ARHGAP15: variants seen among roughly 807,000 people sequenced by gnomAD.
ARHGAP15 encodes the protein Rho GTPase activating protein 15.
Under a neutral mutation model 63.7 loss-of-function variants are expected in ARHGAP15, and 51 were observed. The ratio of observed to expected loss-of-function variants is 0.80; its 90% CI spans 0.64 to 1.01. The LOEUF is 1.01. Ranked by LOEUF, ARHGAP15 falls within the 50% of genes least tolerant of loss-of-function variation. The pLI, the probability that ARHGAP15 is intolerant of heterozygous loss-of-function variation, is 0.00. For synonymous variants in ARHGAP15, 191 were observed against 193.8 expected, an observed-to-expected ratio of 0.99 and a Z score of 0.12; for missense variants, 560 against 564.6, an observed-to-expected ratio of 0.99 and a Z score of 0.08.
intron 2 of ARHGAP15, among the ~76,000 whole-genome samples, chr2:143,201,331 C>T (rs1252013051): frequency 6.6e-6 from 1 of 151,788 alleles, no homozygotes; most frequent in African/African-American, 2.4e-5. Flanking sequence ...CTATGTTGCC[C>T]AGGCTAGGGC....
intron 8 of ARHGAP15, among the ~76,000 whole-genome samples, chr2:143,471,622 C>T (rs1327105517): frequency 6.6e-6 from 1 of 151,970 alleles, no homozygotes; most frequent in Non-Finnish European, 1.5e-5. Context: ...TGTTTGGGGA[C>T]AGGCCTGAAG....
rs1418344053 is a variant in ARHGAP15, at chr2:143,417,838, T to C, written c.475-17763T>C. On this transcript the variant is annotated intron_variant, in intron 6 of 13. Transcript: ENST00000295095. ...CAAAAATTGAGAATGCCATATGATATATCCAAATGTCATAATATTACATGA... is the reference window on the plus strand; with the variant it reads ...CAAAAATTGAGAATGCCATATGATACATCCAAATGTCATAATATTACATGA... Among the ~76,000 whole-genome samples the C allele has an allele frequency of 9.9e-5, 15 of 152,218 alleles. 1 individual carries two copies. Among genetic ancestry groups the C allele is most frequent in the Admixed American group, 9.8e-4 (15 of 15,284 alleles).
At chr2:143,311,741 C>CAGT (rs1249048429) in intron 6 of ARHGAP15, among the ~76,000 whole-genome samples, 1 of 152,142 alleles carries the variant, frequency 6.6e-6, no homozygotes, top group Non-Finnish European at 1.5e-5. Context: ...TATGTCTAAG[C>CAGT]TCACAAATTT....
In ARHGAP15 at chr2:143,529,212, C is replaced by T. The variant is rs575712397; in HGVS notation, c.925+9848C>T. Among the ~76,000 whole-genome samples, 3 of 152,076 alleles carry T rather than the reference C, an allele frequency of 2.0e-5. No individual in the cohort carries two copies. In the East Asian group the frequency reaches 5.8e-4, roughly 29 times the overall value. On this transcript the variant is annotated intron_variant, in intron 10 of 13. Transcript: ENST00000295095. ...GCCCGCAGCATTACAATCTATATTCCCCATTGCCCTAGAAAGAAATATGTT... is the reference window on the plus strand; with the variant it reads ...GCCCGCAGCATTACAATCTATATTCTCCATTGCCCTAGAAAGAAATATGTT...
At chr2:143,574,526 A>G (rs1020837007) in intron 11 of ARHGAP15, among the ~76,000 whole-genome samples, 3 of 152,064 alleles carry the variant, frequency 2.0e-5, no homozygotes, top group Non-Finnish European at 4.4e-5. Context: ...TGAAAATATG[A>G]GCGTCTTCTT....
chr2:143,265,146 G>C (rs1390708651), intron 6 of ARHGAP15, among the ~76,000 whole-genome samples: 1 of 152,008 alleles, frequency 6.6e-6, no homozygotes, highest in Non-Finnish European at 1.5e-5. Context: ...AATGCTCATG[G>C]AACAGGGTGT....
At chr2:143,364,617 T>C (rs985450471) in intron 6 of ARHGAP15, among the ~76,000 whole-genome samples, 3 of 152,206 alleles carry the variant, frequency 2.0e-5, no homozygotes, top group African/African-American at 7.2e-5. Flanking sequence ...GGTTCATGTA[T>C]TGGAAAAATC....
chr2:143,418,760 TGA>T (rs1688789642), intron 6 of ARHGAP15, among the ~76,000 whole-genome samples: 3 of 152,166 alleles, frequency 2.0e-5, no homozygotes, highest in African/African-American at 7.2e-5. Flanking sequence ...CCCATTAATA[TGA>T]GAGGGGTTTT....
intron 12 of ARHGAP15, among the ~76,000 whole-genome samples, chr2:143,645,338 A>G (rs1409724919): frequency 6.6e-6 from 1 of 152,096 alleles, no homozygotes; most frequent in Non-Finnish European, 1.5e-5. Flanking sequence ...TATAATTATT[A>G]TGATTGTAGC....
intron 6 of ARHGAP15, among the ~76,000 whole-genome samples, chr2:143,283,457 A>G (rs1681953037): frequency 6.6e-6 from 1 of 152,190 alleles, no homozygotes; most frequent in Non-Finnish European, 1.5e-5. Flanking sequence ...AAATAGCAAC[A>G]TGCATGACTC....
intron 6 of ARHGAP15, among the ~76,000 whole-genome samples, chr2:143,361,811 G>A (rs965133010): frequency 6.6e-6 from 1 of 152,088 alleles, no homozygotes; most frequent in Non-Finnish European, 1.5e-5. Context: ...ATTCTCCTGG[G>A]GCTGGCTGCC....
chr2:143,565,256 TATTCTC>T (rs1696176916), intron 11 of ARHGAP15, among the ~76,000 whole-genome samples: 1 of 152,086 alleles, frequency 6.6e-6, no homozygotes, highest in African/African-American at 2.4e-5. Context: ...CCAAATCACT[TATTCTC>T]ATTATAGTAC....
At chr2:143,136,479 A>G (rs886858470) in intron 1 of ARHGAP15, among the ~76,000 whole-genome samples, 26 of 152,264 alleles carry the variant, frequency 1.7e-4, no homozygotes, top group Non-Finnish European at 1.3e-4. Flanking sequence ...CAAGAAGCAT[A>G]TGAAACAATG....
chr2:143,262,326 A>G lies in ARHGAP15; in HGVS notation c.474+11726A>G, dbSNP rs147469234. Among the ~76,000 whole-genome samples the G allele has an allele frequency of 6.6e-3, 1,009 of 152,158 alleles. 7 individuals are homozygous for G. Among genetic ancestry groups the G allele is most frequent in the African/African-American group, 0.022 (906 of 41,496 alleles). On this transcript the variant is annotated intron_variant, in intron 6 of 13. Transcript: ENST00000295095. Reference sequence around the variant, plus strand: ...TGGCTGGCCTCAATCTCTACAAAAGAGCTAATAAAAATGTTTTTGTTTAAA... The same window carrying G: ...TGGCTGGCCTCAATCTCTACAAAAGGGCTAATAAAAATGTTTTTGTTTAAA...
chr2:143,501,528 A>T (rs939578455), intron 9 of ARHGAP15, among the ~76,000 whole-genome samples: 1 of 152,208 alleles, frequency 6.6e-6, no homozygotes, highest in African/African-American at 2.4e-5. Flanking sequence ...TAGAAGAGCG[A>T]GGTTAGACCC....
chr2:143,351,042 T>C (rs1388894040), intron 6 of ARHGAP15: 1 of 151,956 alleles, frequency 6.6e-6, no homozygotes, highest in Non-Finnish European at 1.5e-5. Context: ...TTTAGGTCTT[T>C]ATGAGAGAAA....
intron 12 of ARHGAP15, among the ~76,000 whole-genome samples, chr2:143,654,118 T>G (rs1681311829): frequency 6.6e-6 from 1 of 152,164 alleles, no homozygotes; most frequent in Non-Finnish European, 1.5e-5. Flanking sequence ...TAGAATGGGT[T>G]GGCCAATGAC....
At chr2:143,734,895 G>T (rs935851038) in intron 13 of ARHGAP15, among the ~76,000 whole-genome samples, 5 of 152,138 alleles carry the variant, frequency 3.3e-5, no homozygotes, top group African/African-American at 1.2e-4. Context: ...ATGGTGGGGG[G>T]TATTCCTCCT....
At chr2:143,741,054 CA>C (rs1342317377) in intron 13 of ARHGAP15, 1 of 152,200 alleles carries the variant, frequency 6.6e-6, no homozygotes, top group Non-Finnish European at 1.5e-5. Flanking sequence ...CTGAACCAAA[CA>C]ATGACAAAAA....
Sources: gnomAD v4.1 joint callset for allele counts (sites outside exome capture counted in the v4.1 genomes callset) on GRCh38, gnomAD v4.1.1 for gene constraint, MANE v1.5 for transcripts, NCBI Gene and HGNC (gene_info 2026-07-23, HGNC 2026-07-21) for gene names.